GRIK4: variants seen among roughly 807,000 people sequenced by gnomAD.
The protein encoded by GRIK4 is glutamate receptor ionotropic, kainate 4.
Under a neutral mutation model 104.9 loss-of-function variants are expected in GRIK4, and 40 were observed. The observed-to-expected ratio is 0.38, with a 90% CI of 0.30 to 0.50. The LOEUF is 0.50. GRIK4 is among the 20% of genes least tolerant of loss of function. The pLI is 0.93. For missense variants in GRIK4, 1,047 were observed against 1,308.1 expected (o/e 0.80, Z 3.08); for synonymous variants, 485 against 524.9 (o/e 0.92, Z 1.04).
At chr11:120,832,690 T>C (rs780569761) in intron 7 of GRIK4, among the ~76,000 whole-genome samples, 1 of 151,908 alleles carries the variant, frequency 6.6e-6, no homozygotes, top group African/African-American at 2.4e-5. Context: ...GCTCCTGGAG[T>C]TGGAGGGGCA....
chr11:120,569,532 T>C (rs1387611886), intron 1 of GRIK4, among the ~76,000 whole-genome samples: 1 of 152,216 alleles, frequency 6.6e-6, no homozygotes, highest in Admixed American at 6.5e-5. Flanking sequence ...CCTTCTCTCA[T>C]GCCCCCATTT....
chr11:120,831,052 G>T (rs1056104091), intron 6 of GRIK4, among the ~76,000 whole-genome samples: 17 of 152,110 alleles, frequency 1.1e-4, no homozygotes, highest in African/African-American at 2.2e-4. Context: ...GTGAGGGAGG[G>T]CAGGGGTAGG....
chr11:120,542,623 A>G (rs1046235123), intron 1 of GRIK4, among the ~76,000 whole-genome samples: 3 of 152,268 alleles, frequency 2.0e-5, no homozygotes, highest in African/African-American at 4.8e-5. Context: ...TAACAACCCA[A>G]TTAAAAAATG....
chr11:120,646,154 A>G (rs976755900), intron 1 of GRIK4, among the ~76,000 whole-genome samples: 25 of 152,200 alleles, frequency 1.6e-4, no homozygotes, highest in Non-Finnish European at 8.8e-5. Flanking sequence ...AGTCTCCCCA[A>G]ATCATGGTGA....
intron 11 of GRIK4, among the ~76,000 whole-genome samples, chr11:120,877,972 G>A (rs780401735): frequency 5.3e-5 from 8 of 152,218 alleles, no homozygotes; most frequent in Admixed American, 1.3e-4. Context: ...CAGCTGATTA[G>A]GCTCCAAGTA....
intron 16 of GRIK4, 49 bp from the exon 17 acceptor site, chr11:120,960,860 T>C (rs772437501): frequency 4.6e-6 from 7 of 1,523,318 alleles, no homozygotes; most frequent in Non-Finnish European, 5.4e-6. Context: ...GGGCCAAGAC[T>C]CCAGGGAGTG....
chr11:120,745,963 C>G (rs557970288), intron 3 of GRIK4, among the ~76,000 whole-genome samples: 171 of 152,252 alleles, frequency 1.1e-3, no homozygotes, highest in Non-Finnish European at 1.9e-3. Context: ...GCTGTCCAAC[C>G]CAGCATTGTG....
intron 3 of GRIK4, among the ~76,000 whole-genome samples, chr11:120,737,791 G>A (rs191372034): frequency 2.1e-4 from 32 of 152,198 alleles, no homozygotes; most frequent in African/African-American, 7.2e-4. Flanking sequence ...ATGAGGACAT[G>A]GGGGGCTTTC....
At chr11:120,625,170 G>T (rs1343001090) in intron 1 of GRIK4, among the ~76,000 whole-genome samples, 1 of 152,160 alleles carries the variant, frequency 6.6e-6, no homozygotes, top group East Asian at 1.9e-4. Context: ...AGCTACTCGG[G>T]AGGCTGAGGC....
chr11:120,679,215 C>T (rs915680697), intron 3 of GRIK4, among the ~76,000 whole-genome samples: 1 of 152,148 alleles, frequency 6.6e-6, no homozygotes, highest in Admixed American at 6.5e-5. Flanking sequence ...CAGAGAAATT[C>T]ATAACTTAGC....
chr11:120,936,564 T>A (rs1366673351), intron 13 of GRIK4: 1 of 166,814 alleles, frequency 6.0e-6, no homozygotes, highest in Non-Finnish European at 1.3e-5. Context: ...GACAGCTGAG[T>A]GCTGCTTCTC....
At chr11:120,831,646 G>A (rs1953430447) in intron 6 of GRIK4, among the ~76,000 whole-genome samples, 1 of 152,160 alleles carries the variant, frequency 6.6e-6, no homozygotes, top group South Asian at 2.1e-4. Context: ...ACTCAGAAGT[G>A]TTCTTTTATT....
intron 1 of GRIK4, among the ~76,000 whole-genome samples, chr11:120,614,837 AC>A (rs1329574929): frequency 6.6e-6 from 1 of 152,072 alleles, no homozygotes; most frequent in Non-Finnish European, 1.5e-5. Flanking sequence ...GTCTCTACTA[AC>A]AATACAAAAA....
rs533559849 is a variant in GRIK4 at position 120,700,141 on chromosome 11, A to G, written c.82+39741A>G. ...CTCATAGTTGGTTTTTTTGTGTGTG[A>G]CAGGAGCTGCTAAAATCTACTTATT... is the stretch of plus-strand genomic sequence containing the variant. On this transcript the variant is annotated intron_variant, in intron 3 of 20. Coordinates refer to ENST00000527524, the MANE Select transcript of GRIK4 (RefSeq NM_014619.5). Among the ~76,000 whole-genome samples the G allele has an allele frequency of 3.9e-5, 6 of 152,150 alleles. No homozygotes were observed. In the South Asian group the frequency reaches 1.2e-3, roughly 32 times the overall value.
intron 3 of GRIK4, among the ~76,000 whole-genome samples, chr11:120,749,124 G>A (rs1024052041): frequency 4.6e-5 from 7 of 152,184 alleles, no homozygotes; most frequent in Non-Finnish European, 8.8e-5. Context: ...TTTGTAGGCA[G>A]AGTTGGATCC....
At chr11:120,514,933 G>A in intron 1 of GRIK4, 1 of 456,024 alleles carries the variant, frequency 2.2e-6, no homozygotes, top group Non-Finnish European at 4.4e-6. Context: ...TCCTTGTTGG[G>A]CCTCCAGCCT....
chr11:120,803,102 C>T (rs1308956220), intron 4 of GRIK4, among the ~76,000 whole-genome samples: 1 of 152,208 alleles, frequency 6.6e-6, no homozygotes, highest in African/African-American at 2.4e-5. Flanking sequence ...TTCATCCACT[C>T]ATTCATTGCT....
chr11:120,578,952 G>A (rs1272833260), intron 1 of GRIK4, among the ~76,000 whole-genome samples: 1 of 152,180 alleles, frequency 6.6e-6, no homozygotes, highest in East Asian at 1.9e-4. Context: ...GTTAAGTAGC[G>A]GGGGTTGAGG....
At chr11:120,715,939 G>T (rs548413375) in intron 3 of GRIK4, among the ~76,000 whole-genome samples, 1 of 152,196 alleles carries the variant, frequency 6.6e-6, no homozygotes, top group East Asian at 1.9e-4. Flanking sequence ...ATTCCAGGTG[G>T]GGGAAGTCAC....
Sources: gnomAD v4.1 joint callset for allele counts (sites outside exome capture counted in the v4.1 genomes callset) on GRCh38, gnomAD v4.1.1 for gene constraint, MANE v1.5 for transcripts, NCBI Gene and HGNC (gene_info 2026-07-23, HGNC 2026-07-21) for gene names.